Variants in CDH8 observed in about 807,000 individuals in gnomAD.
CDH8 encodes the protein cadherin-8.
Under a neutral mutation model 68.1 loss-of-function variants are expected in CDH8, and 17 were observed. The observed-to-expected ratio is 0.25, with a 90% CI of 0.17 to 0.37. CDH8 has a LOEUF of 0.37. Among genes scored for constraint, CDH8 ranks in the 10% least tolerant of loss-of-function variants. The pLI, the probability that CDH8 is intolerant of heterozygous loss-of-function variation, is 1.00. For synonymous variants in CDH8, 372 were observed against 365.1 expected (o/e 1.02, Z -0.21); for missense variants, 763 against 999.3 (o/e 0.76, Z 3.19).
chr16:61,727,836 C>T (rs74649259), intron 8 of CDH8, among the ~76,000 whole-genome samples: 5,292 of 151,108 alleles, frequency 0.035, 270 homozygotes, highest in African/African-American at 0.12. Context: ...TCAATGCAAA[C>T]GAATAATAAT....
At chr16:62,035,280 A>G (rs945040145) in intron 1 of CDH8, 1 of 152,230 alleles carries the variant, frequency 6.6e-6, no homozygotes, top group East Asian at 1.9e-4. Flanking sequence ...GCCAGACCAC[A>G]GAAAGCGCAG....
chr16:62,017,781 T>G (rs144376403), intron 2 of CDH8, among the ~76,000 whole-genome samples: 3,194 of 152,274 alleles, frequency 0.021, 66 homozygotes, highest in Admixed American at 0.082. Flanking sequence ...TCAGTCATCT[T>G]ACTCTCTCCC....
At chr16:61,938,983 T>C (rs1239672932) in intron 2 of CDH8, among the ~76,000 whole-genome samples, 2 of 152,164 alleles carry the variant, frequency 1.3e-5, no homozygotes, top group African/African-American at 2.4e-5. Context: ...AGCTGTACAG[T>C]ATAAACACGT....
intron 2 of CDH8, among the ~76,000 whole-genome samples, chr16:61,970,542 G>T (rs1965320896): frequency 6.6e-6 from 1 of 152,070 alleles, no homozygotes; most frequent in Non-Finnish European, 1.5e-5. Flanking sequence ...AAAAATAAAA[G>T]AAAAATGAGG....
intron 9 of CDH8, chr16:61,726,134 C>T (rs1959358407): frequency 6.6e-6 from 1 of 150,840 alleles, no homozygotes; most frequent in Admixed American, 6.6e-5. Flanking sequence ...TTCCTAACAC[C>T]CACATGAGGC....
intron 2 of CDH8, among the ~76,000 whole-genome samples, chr16:61,961,812 T>C (rs1965158898): frequency 6.6e-6 from 1 of 152,186 alleles, no homozygotes; most frequent in African/African-American, 2.4e-5. Flanking sequence ...TTTTTAAATT[T>C]ATTAAAAAGG....
chr16:61,796,627 T>G (rs1961507903), intron 7 of CDH8, among the ~76,000 whole-genome samples: 1 of 152,118 alleles, frequency 6.6e-6, no homozygotes. Flanking sequence ...ACTTTCTCAC[T>G]TTTAATCCAA....
chr16:61,954,700 C>CA (rs35839753), intron 2 of CDH8, among the ~76,000 whole-genome samples: 5,585 of 67,726 alleles, frequency 0.082, 156 homozygotes, highest in Non-Finnish European at 0.12. Flanking sequence ...GACTCCATCT[C>CA]AAAAAAAAAA....
intron 3 of CDH8, among the ~76,000 whole-genome samples, chr16:61,891,808 G>A (rs530763448): frequency 1.3e-5 from 2 of 152,116 alleles, no homozygotes; most frequent in East Asian, 3.9e-4. Flanking sequence ...TGTTCATCAC[G>A]CTGAATGAAA....
At chr16:61,746,812 A>G (rs906878279) in intron 8 of CDH8, among the ~76,000 whole-genome samples, 2 of 152,178 alleles carry the variant, frequency 1.3e-5, no homozygotes, top group African/African-American at 4.8e-5. Context: ...CAATTTCTTG[A>G]GACCGCTTTT....
intron 3 of CDH8, among the ~76,000 whole-genome samples, chr16:61,884,512 G>A (rs1011882854): frequency 8.6e-5 from 13 of 151,362 alleles, no homozygotes; most frequent in Non-Finnish European, 1.8e-4. Context: ...TAGCTGGGAC[G>A]ACAGCTCTGT....
At chr16:61,829,855 C>G (rs1339775788) in intron 4 of CDH8, among the ~76,000 whole-genome samples, 1 of 151,872 alleles carries the variant, frequency 6.6e-6, no homozygotes, top group Non-Finnish European at 1.5e-5. Flanking sequence ...ATTAAAACAT[C>G]CAAGACAGAA....
intron 7 of CDH8, among the ~76,000 whole-genome samples, chr16:61,801,241 A>G (rs557655352): frequency 6.6e-6 from 1 of 152,282 alleles, no homozygotes; most frequent in East Asian, 1.9e-4. Context: ...TTTGATTATT[A>G]TTTATAACTA....
At chr16:61,787,845 A>C (rs1177909691) in intron 8 of CDH8, among the ~76,000 whole-genome samples, 2 of 146,246 alleles carry the variant, frequency 1.4e-5, no homozygotes, top group East Asian at 2.2e-4. Flanking sequence ...GCAAGAACAA[A>C]AAACCAAACA....
At chr16:61,978,847 C>T (rs1965485143) in intron 2 of CDH8, among the ~76,000 whole-genome samples, 1 of 152,130 alleles carries the variant, frequency 6.6e-6, no homozygotes, top group Admixed American at 6.5e-5. Flanking sequence ...GTGTATGGAG[C>T]TGTAACACAC....
chr16:61,671,376 T>C (rs933911081), intron 10 of CDH8, among the ~76,000 whole-genome samples: 5 of 151,708 alleles, frequency 3.3e-5, no homozygotes, highest in Admixed American at 3.3e-4. Flanking sequence ...TATTATGCTC[T>C]GGATTGTGTG....
intron 2 of CDH8, among the ~76,000 whole-genome samples, chr16:61,944,285 T>C (rs2143554878): frequency 6.6e-6 from 1 of 152,344 alleles, no homozygotes; most frequent in Admixed American, 6.5e-5. Flanking sequence ...GTTAAAGGGA[T>C]AGACAGGAGC....
At chr16:61,760,648 G>C (rs1337169100) in intron 8 of CDH8, among the ~76,000 whole-genome samples, 1 of 152,006 alleles carries the variant, frequency 6.6e-6, no homozygotes, top group African/African-American at 2.4e-5. Flanking sequence ...TTCTAAACTT[G>C]AAATGTCTAG....
At chr16:61,770,298 C>G (rs1310622656) in intron 8 of CDH8, among the ~76,000 whole-genome samples, 4 of 151,830 alleles carry the variant, frequency 2.6e-5, no homozygotes, top group African/African-American at 9.7e-5. Flanking sequence ...TGTTACAGAT[C>G]TAGACATTGA....
Sources: gnomAD v4.1 joint callset for allele counts (sites outside exome capture counted in the v4.1 genomes callset) on GRCh38, gnomAD v4.1.1 for gene constraint, MANE v1.5 for transcripts, NCBI Gene and HGNC (gene_info 2026-07-23, HGNC 2026-07-21) for gene names.